Variants in FLNB observed in about 807,000 individuals in gnomAD.
The protein encoded by FLNB is filamin B.
Under a neutral mutation model 250.6 loss-of-function variants are expected in FLNB, and 111 were observed. The observed-to-expected ratio is 0.44, with a 90% CI of 0.38 to 0.52. The LOEUF (loss-of-function observed/expected upper bound fraction) is 0.52, where lower values mean the gene tolerates loss of function less well. FLNB is among the 20% of genes least tolerant of loss of function. The probability of loss-of-function intolerance (pLI) is 0.00; values close to 1 mark genes in which losing one functional copy is unlikely to be tolerated. For missense variants in FLNB, 2,869 were observed against 3,447.8 expected (o/e 0.83, Z 4.20); for synonymous variants, 1,302 against 1,372.1 (o/e 0.95, Z 1.13).
intron 31 of FLNB, 143 bp from the exon 32 acceptor site, chr3:58,143,330 T>C (rs1272225275): frequency 7.2e-6 from 6 of 829,558 alleles, no homozygotes; most frequent in South Asian, 4.4e-5. Context: ...GTCTCTCCCA[T>C]TGTGGGACTT....
rs368089374 is a variant in FLNB, at chr3:58,062,851, T to C, written c.293-14195T>C. Among the ~76,000 whole-genome samples the C allele has an allele frequency of 1.1e-3, 162 of 152,344 alleles. 6 individuals carry two copies. In the South Asian group the frequency reaches 0.033, roughly 31 times the overall value. ...TGAGCAGTCTTGAACCAGAATTGAA[T>C]GGCTTGAATCCTTTTCACAATGCCA... On this transcript the variant is annotated intron_variant, in intron 1 of 45. Coordinates refer to ENST00000295956, the MANE Select transcript of FLNB (RefSeq NM_001457.4).
In FLNB at chr3:58,170,862, A is replaced by C; in HGVS notation, c.*100A>C. 4 of 1,081,668 alleles carry C rather than the reference A, an allele frequency of 3.7e-6. No individual in the cohort carries two copies. The highest frequency in any genetic ancestry group is 5.5e-6 in the Non-Finnish European group (4 of 721,822). The allele number at this position is 1,081,668 out of a possible 1,614,324, so 67.0% of individuals were successfully genotyped here. On this transcript the variant is annotated 3_prime_UTR_variant, in exon 46 of 46. Coordinates refer to ENST00000295956, the MANE Select transcript of FLNB (RefSeq NM_001457.4). ...GCCCTCCAGCCTGTTTGTGGGGCTGAAACCCCATCCCTAAAATATTGCTGT... is the reference window on the plus strand; with the variant it reads ...GCCCTCCAGCCTGTTTGTGGGGCTGCAACCCCATCCCTAAAATATTGCTGT...
chr3:58,111,682 A>G (rs2107128306), intron 16 of FLNB, 109 bp from the exon 17 acceptor site: 1 of 800,872 alleles, frequency 1.2e-6, no homozygotes, highest in Non-Finnish European at 2.2e-6. Context: ...AAGTCTGCTC[A>G]CCACTCGCTA....
At position 58,121,425 on chromosome 3, in the gene FLNB, A is replaced by G; in HGVS notation, c.3048A>G (p.Val1016=). The G allele has an allele frequency of 6.2e-7, 1 of 1,614,186 alleles. No homozygotes were observed. Among genetic ancestry groups the G allele is most frequent in the South Asian group, 1.1e-5 (1 of 91,080 alleles). Residue 1016 remains valine (V), a synonymous_variant, in exon 20 of 46, where the codon GTA becomes GTG. Coordinates refer to ENST00000295956, the MANE Select transcript of FLNB (RefSeq NM_001457.4). ...CTCGGGAGGAGGGGCTGTATGCTGT[A>G]GACGTGACCTACGATGGACACCCTG... ...FIPREEGLYA[V]DVTYDGHPVP...
intron 1 of FLNB, among the ~76,000 whole-genome samples, chr3:58,044,190 G>C (rs2097150186): frequency 6.6e-6 from 1 of 152,130 alleles, no homozygotes; most frequent in Non-Finnish European, 1.5e-5. Context: ...GACAAATCTG[G>C]GTGGGTGGAG....
At chr3:58,074,125 G>A (rs529877751) in intron 1 of FLNB, among the ~76,000 whole-genome samples, 4 of 152,210 alleles carry the variant, frequency 2.6e-5, no homozygotes, top group African/African-American at 9.7e-5. Flanking sequence ...TAAAGGAGAC[G>A]ACAAACAGAA....
chr3:58,025,295 A>G (rs939692062), intron 1 of FLNB, among the ~76,000 whole-genome samples: 4 of 151,278 alleles, frequency 2.6e-5, no homozygotes, highest in Admixed American at 6.6e-5. Context: ...ACACCCGGCT[A>G]ATTTTTGCAT....
chr3:58,051,571 C>T (rs2097162469), intron 1 of FLNB, among the ~76,000 whole-genome samples: 1 of 152,158 alleles, frequency 6.6e-6, no homozygotes, highest in Non-Finnish European at 1.5e-5. Flanking sequence ...TCTAGTTGCA[C>T]ACAGTGATTC....
intron 10 of FLNB, among the ~76,000 whole-genome samples, chr3:58,104,532 C>T (rs1236391522): frequency 6.6e-6 from 1 of 152,218 alleles, no homozygotes; most frequent in Non-Finnish European, 1.5e-5. Context: ...TTGCACTTGC[C>T]CCTCTGCGTT....
At chr3:58,154,091 A>G (rs531674933) in intron 39 of FLNB, among the ~76,000 whole-genome samples, 2 of 152,294 alleles carry the variant, frequency 1.3e-5, no homozygotes, top group African/African-American at 4.8e-5. Context: ...CATTTTTTAA[A>G]TTTTTTATTT....
chr3:58,109,235 T>C lies in FLNB; in HGVS notation c.2112T>C (p.Tyr704=). Residue 704 remains tyrosine, a synonymous_variant, in exon 14 of 46, where the codon TAT becomes TAC. Transcript: ENST00000295956. ...IQMKNRMDGT[Y]ACSYTPVKAI... ...TGAAGAACCGGATGGACGGCACATA[T>C]GCATGCTCATACACCCCGGTGAAGG... 1.2e-6 allele frequency: 2 copies of C among 1,614,220 alleles called. No individual in the cohort carries two copies. Among genetic ancestry groups the C allele is most frequent in the Non-Finnish European group, 1.7e-6 (2 of 1,180,042 alleles).
intron 4 of FLNB, among the ~76,000 whole-genome samples, chr3:58,084,513 T>G (rs1421832628): frequency 6.6e-6 from 1 of 152,178 alleles, no homozygotes; most frequent in Non-Finnish European, 1.5e-5. Context: ...TTCATCTGCC[T>G]CTTAGCAAGT....
chr3:58,060,813 GA>G (rs2097177431), intron 1 of FLNB, among the ~76,000 whole-genome samples: 7 of 116,610 alleles, frequency 6.0e-5, no homozygotes, highest in African/African-American at 2.2e-4. Context: ...AGAAAGAAAA[GA>G]AAAGAAAAGA....
At position 58,169,897 on chromosome 3, in the gene FLNB, A is replaced by G. The variant is rs575138028; in HGVS notation, c.7621+104A>G. 1.2e-4 allele frequency: 93 copies of G among 807,374 alleles called. No homozygotes were observed. The African/African-American group carries it at 1.3e-3, about 11-fold the overall frequency. The allele number at this position is 807,374 out of a possible 1,614,324, so 50.0% of individuals were successfully genotyped here. ...GAGGTCTCCTGCAGTGCCCACCCCC[A>G]TGTAGGCCAGCCGTTTGCAAGTAAC... On this transcript the variant is annotated intron_variant, in intron 45 of 45. Coordinates refer to ENST00000295956, the MANE Select transcript of FLNB (RefSeq NM_001457.4). The surrounding 1 kb of genome is among the most constrained non-coding windows in gnomAD (Gnocchi z 4.8).
At chr3:58,083,469 C>T (rs965730025) in intron 4 of FLNB, among the ~76,000 whole-genome samples, 2 of 150,356 alleles carry the variant, frequency 1.3e-5, no homozygotes, top group African/African-American at 2.5e-5. Flanking sequence ...TGGGTTCAAG[C>T]GATCCTCCTG....
chr3:58,091,525 A>G (rs1345780262), intron 4 of FLNB, among the ~76,000 whole-genome samples: 1 of 152,086 alleles, frequency 6.6e-6, no homozygotes, highest in Non-Finnish European at 1.5e-5. Context: ...AAAACAAAAA[A>G]CCCATATAAC....
chr3:58,068,856 G>A (rs1028502908), intron 1 of FLNB, among the ~76,000 whole-genome samples: 2 of 152,174 alleles, frequency 1.3e-5, no homozygotes, highest in Admixed American at 6.5e-5. Flanking sequence ...ATATAGAAGA[G>A]GCATTAGAGG....
At chr3:58,032,709 G>C (rs1194098089) in intron 1 of FLNB, among the ~76,000 whole-genome samples, 2 of 152,222 alleles carry the variant, frequency 1.3e-5, no homozygotes, top group Non-Finnish European at 2.9e-5. Context: ...TCCCCATCTA[G>C]TGGGATGTGG....
intron 4 of FLNB, 124 bp from the exon 5 acceptor site, chr3:58,094,712 A>G (rs935834280): frequency 4.7e-6 from 4 of 845,138 alleles, no homozygotes; most frequent in Non-Finnish European, 6.2e-6. Context: ...GTTTGTCCCC[A>G]TTTCCCACAT....
Sources: allele counts gnomAD v4.1 joint callset (sites outside exome capture counted in the v4.1 genomes callset), GRCh38; gene constraint gnomAD v4.1.1; non-coding constraint Gnocchi (gnomAD v3.1); transcripts MANE v1.5; gene names NCBI Gene and HGNC (gene_info 2026-07-23, HGNC 2026-07-21).